Variants in F2 observed in about 807,000 individuals in gnomAD.
The protein encoded by F2 is coagulation factor II, thrombin.
A neutral mutation model predicts 81.9 loss-of-function variants in F2; 34 were observed. The ratio of observed to expected loss-of-function variants is 0.42; its 90% CI spans 0.32 to 0.55. The LOEUF (loss-of-function observed/expected upper bound fraction) is 0.55, where lower values mean the gene tolerates loss of function less well. Among genes scored for constraint, F2 ranks in the 20% least tolerant of loss-of-function variants. F2 has a pLI of 0.18. For synonymous variants in F2, 296 were observed against 326.4 expected (o/e 0.91, Z 1.01); for missense variants, 630 against 833.4 (o/e 0.76, Z 3.00).
rs2064877819 is a variant in F2, at chr11:46,726,855, G to A, written c.1130+18G>A. On this transcript the variant is annotated intron_variant, in intron 9 of 13. Coordinates refer to ENST00000311907, the MANE Select transcript of F2 (RefSeq NM_000506.5). This position sits in a 1 kb window ranked among gnomAD's most constrained non-coding sequence, Gnocchi z 5.9. ...TCACCTTGGTGTGTCCTGGAGCCCT[G>A]CGCTACCATTCACTCCTGGGGGCAG... The A allele has an allele frequency of 1.2e-6, 2 of 1,613,592 alleles. No homozygotes were observed. Among genetic ancestry groups the A allele is most frequent in the East Asian group, 2.2e-5 (1 of 44,888 alleles).
intron 12 of F2, among the ~76,000 whole-genome samples, chr11:46,737,955 G>C (rs1210870428): frequency 4.0e-5 from 6 of 151,412 alleles, no homozygotes; most frequent in African/African-American, 1.5e-4. Flanking sequence ...TCTTGCTTCA[G>C]CCTCCCACGT....
intron 13 of F2, 64 bp downstream of exon 13, chr11:46,739,182 T>TACTA: frequency 6.2e-7 from 1 of 1,613,392 alleles, no homozygotes; most frequent in South Asian, 1.1e-5. Flanking sequence ...GAAACTCTAG[T>TACTA]ATCTAGAAAC....
At chr11:46,737,690 A>G (rs1467814755) in intron 12 of F2, among the ~76,000 whole-genome samples, 2 of 151,982 alleles carry the variant, frequency 1.3e-5, no homozygotes, top group Non-Finnish European at 2.9e-5. Context: ...CGCCTGCCTC[A>G]GCCTCCCAAA....
chr11:46,720,916 G>A, intron 4 of F2, 76 bp downstream of exon 4: 3 of 1,547,556 alleles, frequency 1.9e-6, no homozygotes, highest in Admixed American at 1.7e-5. Context: ...TGGGTTTGGA[G>A]TGTGGCTGGT....
At chr11:46,720,754 C>T in intron 3 of F2, 36 bp from the exon 4 acceptor site, 1 of 1,612,974 alleles carries the variant, frequency 6.2e-7, no homozygotes, top group South Asian at 1.1e-5. Context: ...CTGGCCATAC[C>T]CCAATCCCAA....
rs2064853084 is a variant in F2, at chr11:46,723,573, C to T, written c.559+55C>T. ...GCCAAGGCCCGGGGGCTTCATGGGG[C>T]CTGGCAGCCTGGGATGGGAACCAAG... is the stretch of plus-strand genomic sequence containing the variant. On this transcript the variant is annotated intron_variant, in intron 6 of 13. Coordinates refer to ENST00000311907, the MANE Select transcript of F2 (RefSeq NM_000506.5). The surrounding 1 kb of genome is among the most constrained non-coding windows in gnomAD (Gnocchi z 5.6). 6.4e-7 allele frequency: 1 copy of T among 1,557,372 alleles called. No individual in the cohort carries two copies. The highest frequency in any genetic ancestry group is 8.7e-7 in the Non-Finnish European group (1 of 1,148,230).
At chr11:46,725,675 T>C (rs2064867092) in intron 6 of F2, among the ~76,000 whole-genome samples, 184 bp from the exon 7 acceptor site, 1 of 152,170 alleles carries the variant, frequency 6.6e-6, no homozygotes, top group African/African-American at 2.4e-5. Context: ...TTTAATCCTC[T>C]CAACAAACCT....
chr11:46,733,559 C>G (rs1173551157), intron 12 of F2, among the ~76,000 whole-genome samples: 1 of 152,052 alleles, frequency 6.6e-6, no homozygotes, highest in Non-Finnish European at 1.5e-5. Flanking sequence ...ACATGTATGT[C>G]ATTTTTTAGA....
chr11:46,733,576 T>A (rs1015439730), intron 12 of F2, among the ~76,000 whole-genome samples: 52 of 152,130 alleles, frequency 3.4e-4, no homozygotes, highest in Admixed American at 3.1e-3. Flanking sequence ...TAGAGATTTT[T>A]AAATTTCTTT....
chr11:46,719,394 A>C lies in F2; in HGVS notation c.79+80A>C. ...GGGCTGGGGTCTCCTGGCTGGACAG[A>C]GCACACAGAGCTGGCCCCTAAGTAG... On this transcript the variant is annotated intron_variant, in intron 1 of 13. Transcript: ENST00000311907. The surrounding 1 kb of genome is among the most constrained non-coding windows in gnomAD (Gnocchi z 4.7). 3 of 1,484,722 alleles carry C rather than the reference A, an allele frequency of 2.0e-6. No individual in the cohort carries two copies. Among genetic ancestry groups the C allele is most frequent in the Non-Finnish European group, 2.8e-6 (3 of 1,085,598 alleles). The allele number at this position is 1,484,722 out of a possible 1,614,324, so 92.0% of individuals were successfully genotyped here. A position where few individuals can be genotyped will look rare whatever the true frequency, so the allele number is the denominator to read the frequency against.
intron 6 of F2, among the ~76,000 whole-genome samples, chr11:46,725,581 A>G (rs775051365): frequency 1.3e-5 from 2 of 152,140 alleles, no homozygotes; most frequent in Non-Finnish European, 2.9e-5. Context: ...AGCCACTACC[A>G]GTTAATTACA....
chr11:46,725,056 C>T (rs1360323646), intron 6 of F2, among the ~76,000 whole-genome samples: 1 of 144,380 alleles, frequency 6.9e-6, no homozygotes, highest in South Asian at 2.2e-4. Context: ...AGGGGTGAGG[C>T]ACTGCGCCCG....
At chr11:46,732,886 C>G (rs905433292) in intron 12 of F2, among the ~76,000 whole-genome samples, 1 of 152,118 alleles carries the variant, frequency 6.6e-6, no homozygotes, top group Non-Finnish European at 1.5e-5. Flanking sequence ...GTGTTGGAAC[C>G]AGCCATTTCT....
intron 12 of F2, among the ~76,000 whole-genome samples, chr11:46,732,885 C>T (rs1043224221): frequency 7.9e-5 from 12 of 152,142 alleles, no homozygotes; most frequent in African/African-American, 2.9e-4. Context: ...AGTGTTGGAA[C>T]CAGCCATTTC....
At position 46,728,195 on chromosome 11, in the gene F2, A is replaced by G. The variant is rs1274467653; in HGVS notation, c.1298+32A>G. ...AACTGGTGGCCCGTGGGTGTCTGGCAGGGGTCTGAGTCCTCCAAAGCGATC... is the reference window on the plus strand; with the variant it reads ...AACTGGTGGCCCGTGGGTGTCTGGCGGGGGTCTGAGTCCTCCAAAGCGATC... On this transcript the variant is annotated intron_variant, in intron 10 of 13. Transcript: ENST00000311907. The surrounding 1 kb of genome is among the most constrained non-coding windows in gnomAD (Gnocchi z 5.1). The G allele has an allele frequency of 6.3e-7, 1 of 1,594,832 alleles. No individual in the cohort carries two copies.
At position 46,719,387 on chromosome 11, in the gene F2, T is replaced by C; in HGVS notation, c.79+73T>C. On this transcript the variant is annotated intron_variant, in intron 1 of 13. Transcript: ENST00000311907. This position sits in a 1 kb window ranked among gnomAD's most constrained non-coding sequence, Gnocchi z 4.7. ...GGCCCATGGGCTGGGGTCTCCTGGC[T>C]GGACAGAGCACACAGAGCTGGCCCC... The C allele has an allele frequency of 1.3e-6, 2 of 1,519,630 alleles. No individual in the cohort carries two copies. The highest frequency in any genetic ancestry group is 3.9e-4 in the Middle Eastern group (2 of 5,068). 94.1% of individuals were successfully genotyped at this position (1,519,630 alleles called of 1,614,324 possible).
rs71042617 is a variant in F2, at chr11:46,737,441, C to CTT, written c.1655-1591_1655-1590dup. Among the ~76,000 whole-genome samples the CTT allele has an allele frequency of 1.9e-3, 182 of 94,248 alleles. 7 individuals are homozygous for CTT. The highest frequency in any genetic ancestry group is 6.7e-3 in the African/African-American group (166 of 24,926). The allele number at this position is 94,248 out of a possible 152,430, so 61.8% of individuals were successfully genotyped here. On this transcript the variant is annotated intron_variant, in intron 12 of 13. Coordinates refer to ENST00000311907, the MANE Select transcript of F2 (RefSeq NM_000506.5). The stretch of plus-strand genomic sequence containing the variant: ...ACAGGTGTGAGCCACCGTGCCTGGC[C>CTT]TTTTTTTTTTTTTTTTTGAGACAGA...
At position 46,725,069 on chromosome 11, in the gene F2, C is replaced by CTTTTTTTTTTTT. The variant is rs71455298; in HGVS notation, c.560-783_560-772dup. Among the ~76,000 whole-genome samples, 3 of 106,246 alleles carry CTTTTTTTTTTTT rather than the reference C, an allele frequency of 2.8e-5. 1 individual carries two copies. The allele number at this position is 106,246 out of a possible 152,430, so 69.7% of individuals were successfully genotyped here. On this transcript the variant is annotated intron_variant, in intron 6 of 13. Coordinates refer to ENST00000311907, the MANE Select transcript of F2 (RefSeq NM_000506.5). ...ACAGGGGTGAGGCACTGCGCCCGGC[C>CTTTTTTTTTTTT]TTTTTTTTTTTTTTTTTTGAGATGG...
intron 2 of F2, chr11:46,720,129 T>TC: frequency 1.7e-6 from 1 of 578,556 alleles, no homozygotes; most frequent in Admixed American, 3.0e-5. Context: ...GAGCTCTGTG[T>TC]CCACATGGCC....
Sources: allele counts gnomAD v4.1 joint callset (sites outside exome capture counted in the v4.1 genomes callset), GRCh38; gene constraint gnomAD v4.1.1; non-coding constraint Gnocchi (gnomAD v3.1); transcripts MANE v1.5; gene names NCBI Gene and HGNC (gene_info 2026-07-23, HGNC 2026-07-21).